The following ITGA9 variants were observed in gnomAD, a reference collection of about 807,000 sequenced individuals.
ITGA9 encodes integrin alpha-9.
In ITGA9, 56 loss-of-function variants were observed where a neutral mutation model predicts 127.8. The ratio of observed to expected loss-of-function variants is 0.44; its 90% confidence interval spans 0.35 to 0.55. The LOEUF is 0.55. ITGA9 is among the 20% of genes least tolerant of loss of function. The pLI is 0.00. For missense variants in ITGA9, 1,196 were observed against 1,347.1 expected (o/e 0.89, Z 1.76); for synonymous variants, 508 against 514.5 (o/e 0.99, Z 0.17).
At chr3:37,640,359 G>A (rs1178677420) in intron 16 of ITGA9, among the ~76,000 whole-genome samples, 1 of 152,162 alleles carries the variant, frequency 6.6e-6, no homozygotes, top group East Asian at 1.9e-4. Flanking sequence ...GATGGAGTAT[G>A]TGATGTGACG....
At chr3:37,698,291 G>C (rs1046917955) in intron 18 of ITGA9, among the ~76,000 whole-genome samples, 1 of 152,156 alleles carries the variant, frequency 6.6e-6, no homozygotes, top group African/African-American at 2.4e-5. Context: ...TAGGTTGCCT[G>C]TTCACTCTGA....
At chr3:37,542,390 C>A in intron 14 of ITGA9, 35 bp from the exon 15 acceptor site, 1 of 1,611,592 alleles carries the variant, frequency 6.2e-7, no homozygotes, top group South Asian at 1.1e-5. Flanking sequence ...GTGTGTCGGT[C>A]CTTTCTGACA....
chr3:37,765,547 T>A (rs994138284), intron 23 of ITGA9, among the ~76,000 whole-genome samples: 1 of 152,166 alleles, frequency 6.6e-6, no homozygotes, highest in African/African-American at 2.4e-5. Flanking sequence ...AGGATTAGGT[T>A]TGCCTTAAAT....
At position 37,491,694 on chromosome 3, in the gene ITGA9, G is replaced by T. The variant is rs114456630; in HGVS notation, c.545-2807G>T. Among the ~76,000 whole-genome samples the T allele has an allele frequency of 1.8e-3, 271 of 152,310 alleles. 1 individual carries two copies. The highest frequency in any genetic ancestry group is 6.2e-3 in the African/African-American group (259 of 41,564). ...CCTACCTCACTTCCCATAGCTTTGT[G>T]ATATAGGCTGTCCTGCCATCTCAGG... is the stretch of plus-strand genomic sequence containing the variant. On this transcript the variant is annotated intron_variant, in intron 4 of 27. Transcript: ENST00000264741.
At chr3:37,476,940 A>G (rs1198274846) in intron 3 of ITGA9, among the ~76,000 whole-genome samples, 2 of 152,134 alleles carry the variant, frequency 1.3e-5, no homozygotes, top group Non-Finnish European at 2.9e-5. Context: ...TGTTAAAACA[A>G]TTAGAAACCA....
intron 16 of ITGA9, among the ~76,000 whole-genome samples, chr3:37,636,409 T>C (rs1035198504): frequency 1.3e-5 from 2 of 152,276 alleles, no homozygotes; most frequent in African/African-American, 4.8e-5. Flanking sequence ...TTCATGTGTT[T>C]TTTGGCTGCA....
chr3:37,794,609 C>T (rs2125558487), intron 26 of ITGA9, among the ~76,000 whole-genome samples: 1 of 152,328 alleles, frequency 6.6e-6, no homozygotes, highest in Non-Finnish European at 1.5e-5. Flanking sequence ...ATCCCTCTCT[C>T]TCTCAAGAGC....
chr3:37,547,923 G>A (rs1335929589), intron 15 of ITGA9, among the ~76,000 whole-genome samples: 3 of 152,110 alleles, frequency 2.0e-5, no homozygotes, highest in East Asian at 1.9e-4. Context: ...TTTTCTTAAC[G>A]TGTCTTTCAA....
chr3:37,596,046 A>G (rs903845317), intron 15 of ITGA9, among the ~76,000 whole-genome samples: 1 of 152,260 alleles, frequency 6.6e-6, no homozygotes, highest in African/African-American at 2.4e-5. Flanking sequence ...AAAAGCAGAC[A>G]TAGACCTTAC....
In ITGA9 at chr3:37,814,982, T is replaced by C. The variant is rs1242561496; in HGVS notation, c.3010-3909T>C. Among the ~76,000 whole-genome samples the C allele has an allele frequency of 6.6e-6, 1 of 152,192 alleles. No homozygotes were observed. Among genetic ancestry groups the C allele is most frequent in the East Asian group, 1.9e-4 (1 of 5,186 alleles). The stretch of plus-strand genomic sequence containing the variant: ...GCATAGGCTGTGTTAGGAACAGGAC[T>C]GGAGACCCTGCAGTGTTAGAGTGGG... On this transcript the variant is annotated intron_variant, in intron 27 of 27. Coordinates refer to ENST00000264741, the MANE Select transcript of ITGA9 (RefSeq NM_002207.3). This position sits in a 1 kb window ranked among gnomAD's most constrained non-coding sequence, Gnocchi z 4.3.
intron 24 of ITGA9, 100 bp downstream of exon 24, chr3:37,777,617 T>A (rs547628316): frequency 7.3e-7 from 1 of 1,366,458 alleles, no homozygotes; most frequent in Non-Finnish European, 1.0e-6. Context: ...CTGGTTTTAA[T>A]CAATTTGACT....
At chr3:37,490,418 C>T (rs1450826016) in intron 4 of ITGA9, among the ~76,000 whole-genome samples, 1 of 152,112 alleles carries the variant, frequency 6.6e-6, no homozygotes, top group African/African-American at 2.4e-5. Context: ...AGCTATTTTT[C>T]CCCCAGTATT....
chr3:37,800,445 C>T (rs576054514), intron 26 of ITGA9, among the ~76,000 whole-genome samples: 1 of 152,216 alleles, frequency 6.6e-6, no homozygotes, highest in Non-Finnish European at 1.5e-5. Flanking sequence ...AGCCAGCGCT[C>T]CTCCCTCTCC....
chr3:37,507,851 C>G (rs1480954200), intron 7 of ITGA9, among the ~76,000 whole-genome samples: 5 of 152,160 alleles, frequency 3.3e-5, no homozygotes, highest in Non-Finnish European at 7.3e-5. Context: ...TACACTGGTT[C>G]TCATGAGACA....
intron 1 of ITGA9, 124 bp from the exon 2 acceptor site, chr3:37,470,883 A>G: frequency 1.1e-6 from 1 of 947,658 alleles, no homozygotes; most frequent in Non-Finnish European, 1.7e-6. Context: ...ACAGAAAAGT[A>G]TAATAATATG....
chr3:37,564,101 C>T (rs1054297026), intron 15 of ITGA9, among the ~76,000 whole-genome samples: 3 of 152,166 alleles, frequency 2.0e-5, no homozygotes, highest in Non-Finnish European at 2.9e-5. Context: ...AGCCCAGGCA[C>T]GCAAGGAGGA....
rs540611014 is a variant in ITGA9 at position 37,653,599 on chromosome 3, G to T, written c.1840-115G>T. On this transcript the variant is annotated intron_variant, in intron 16 of 27. Coordinates refer to ENST00000264741, the MANE Select transcript of ITGA9 (RefSeq NM_002207.3). The stretch of plus-strand genomic sequence containing the variant: ...TGGCTTTTTGGAGGTGGGAGTAGAA[G>T]CCCTGAGGGGCTCAGGGGAGGAATT... 155 of 824,694 alleles carry T rather than the reference G, an allele frequency of 1.9e-4. No individual in the cohort carries two copies. The African/African-American group carries it at 2.4e-3, about 13-fold the overall frequency. 51.1% of individuals were successfully genotyped at this position (824,694 alleles called of 1,614,324 possible).
chr3:37,478,773 G>T (rs73826587), intron 3 of ITGA9, among the ~76,000 whole-genome samples: 1 of 152,282 alleles, frequency 6.6e-6, no homozygotes, highest in African/African-American at 2.4e-5. Context: ...GAGACACTTT[G>T]CATTGTTTTC....
intron 8 of ITGA9, among the ~76,000 whole-genome samples, chr3:37,508,996 T>C (rs192492841): frequency 7.4e-4 from 113 of 152,302 alleles, no homozygotes; most frequent in African/African-American, 2.6e-3. Context: ...TGAGTACAGG[T>C]AGCAATAAAT....
Sources: allele counts gnomAD v4.1 joint callset (sites outside exome capture counted in the v4.1 genomes callset), GRCh38; gene constraint gnomAD v4.1.1; non-coding constraint Gnocchi (gnomAD v3.1); transcripts MANE v1.5; gene names NCBI Gene and HGNC (gene_info 2026-07-23, HGNC 2026-07-21).